Variants in TAF3 observed in about 807,000 individuals in gnomAD.
TAF3 encodes transcription initiation factor TFIID subunit 3.
A neutral mutation model predicts 80.6 loss-of-function variants in TAF3; 7 were observed. The observed-to-expected ratio is 0.09, with a 90% CI of 0.05 to 0.16. The LOEUF is 0.16. Ranked by LOEUF, TAF3 falls within the 10% of genes least tolerant of loss-of-function variation. The pLI is 1.00. For synonymous variants in TAF3, 444 were observed against 446.1 expected (o/e 1.00, Z 0.06); for missense variants, 921 against 1,140.2 (o/e 0.81, Z 2.77).
Position 7,965,221 on chromosome 10 carries a change from G to A in TAF3, c.1711G>A (p.Glu571Lys), listed in dbSNP as rs1379695008. The A allele has an allele frequency of 5.6e-6, 9 of 1,607,536 alleles. No homozygotes were observed. The highest frequency in any genetic ancestry group is 7.6e-6 in the Non-Finnish European group (9 of 1,178,456). The stretch of plus-strand genomic sequence containing the variant: ...AGAGAAAGACAAGGAAACTGGCAGG[G>A]AAACAAAGTATCCCTGGAAGGAATT... Reference protein sequence around the residue: ...EKEKDKETGRETKYPWKEFLK... With the variant: ...EKEKDKETGRKTKYPWKEFLK... Residue 571 changes from glutamate (E) to lysine (K), a missense_variant, in exon 3 of 7, where the codon GAA (glutamate) becomes AAA (lysine). Physicochemically the swap from Glu to Lys is moderately conservative, Grantham distance 56. Around this residue, in one of 6 missense-constraint regions of TAF3, gnomAD observed 743 missense variants for 821.0 expected, o/e 0.90. Transcript: ENST00000344293.
At chr10:7,881,186 T>C (rs1028742967) in intron 2 of TAF3, among the ~76,000 whole-genome samples, 36 of 141,286 alleles carry the variant, frequency 2.5e-4, no homozygotes, top group Non-Finnish European at 4.7e-5. Context: ...CAGTGAGCCA[T>C]GAGTATAACT....
At chr10:7,939,242 C>T (rs1273279380) in intron 2 of TAF3, among the ~76,000 whole-genome samples, 1 of 152,124 alleles carries the variant, frequency 6.6e-6, no homozygotes, top group Non-Finnish European at 1.5e-5. Flanking sequence ...GAGTTGGGCT[C>T]AGTACTGAAA....
chr10:7,845,961 T>TG (rs1836966027), intron 2 of TAF3, among the ~76,000 whole-genome samples: 1 of 74,892 alleles, frequency 1.3e-5, no homozygotes, highest in Non-Finnish European at 2.7e-5. Flanking sequence ...GTGTTTTTGT[T>TG]TTTTTTTTTT....
At chr10:7,971,784 G>T (rs1367501322) in intron 3 of TAF3, among the ~76,000 whole-genome samples, 2 of 152,172 alleles carry the variant, frequency 1.3e-5, no homozygotes, top group Non-Finnish European at 2.9e-5. Context: ...AGCTTTATCA[G>T]TTGGTGCCCT....
At chr10:7,913,864 C>T (rs1429962242) in intron 2 of TAF3, among the ~76,000 whole-genome samples, 1 of 152,170 alleles carries the variant, frequency 6.6e-6, no homozygotes, top group Admixed American at 6.5e-5. Context: ...TTATAGGAAA[C>T]ACAGCAGATA....
intron 2 of TAF3, among the ~76,000 whole-genome samples, chr10:7,961,636 G>T (rs1831500773): frequency 6.6e-6 from 1 of 151,876 alleles, no homozygotes; most frequent in African/African-American, 2.4e-5. Flanking sequence ...GGTGACTTTA[G>T]TTATCTCAAC....
At chr10:7,876,848 C>T (rs1837316942) in intron 2 of TAF3, among the ~76,000 whole-genome samples, 1 of 152,132 alleles carries the variant, frequency 6.6e-6, no homozygotes, top group Non-Finnish European at 1.5e-5. Flanking sequence ...TTGGGAAGTG[C>T]ATGATTCTTC....
At chr10:7,962,093 C>T (rs746187845) in intron 2 of TAF3, among the ~76,000 whole-genome samples, 5 of 152,070 alleles carry the variant, frequency 3.3e-5, no homozygotes, top group African/African-American at 1.2e-4. Context: ...TCAGGTAATC[C>T]TACTCCCTCG....
chr10:7,845,817 T>G (rs77783232), intron 2 of TAF3, among the ~76,000 whole-genome samples: 4,316 of 152,318 alleles, frequency 0.028, 90 homozygotes, highest in South Asian at 0.084. Context: ...TAGCATTGCT[T>G]TCTTGACATT....
intron 1 of TAF3, among the ~76,000 whole-genome samples, chr10:7,821,157 A>G (rs1836686540): frequency 6.6e-6 from 1 of 152,164 alleles, no homozygotes; most frequent in Non-Finnish European, 1.5e-5. Flanking sequence ...AAGTTTCCGT[A>G]GCCAGTTTCT....
chr10:7,981,207 A>G (rs1443874970), intron 4 of TAF3, among the ~76,000 whole-genome samples: 1 of 152,190 alleles, frequency 6.6e-6, no homozygotes, highest in African/African-American at 2.4e-5. Context: ...AGATTTCTCA[A>G]ACGTCTCTTT....
intron 4 of TAF3, among the ~76,000 whole-genome samples, chr10:7,999,435 A>AAAG (rs1294446520): frequency 6.1e-5 from 9 of 147,608 alleles, no homozygotes; most frequent in Non-Finnish European, 9.0e-5. Context: ...TTAAAAAAAA[A>AAAG]AAAGAAAGAA....
chr10:7,900,017 A>G (rs955210257), intron 2 of TAF3, among the ~76,000 whole-genome samples: 1 of 152,162 alleles, frequency 6.6e-6, no homozygotes, highest in Admixed American at 6.5e-5. Flanking sequence ...ACTCATATCC[A>G]ACTCCCTTCT....
rs1377511631 is a variant in TAF3 at position 7,920,068 on chromosome 10, A to G, written c.410-43852A>G. Reference sequence around the variant, plus strand: ...CAAGACCAGCCTGGGCAACGTAGGGAGACCCATTCTACAGAAAATAAAAAT... The same window carrying G: ...CAAGACCAGCCTGGGCAACGTAGGGGGACCCATTCTACAGAAAATAAAAAT... On this transcript the variant is annotated intron_variant, in intron 2 of 6. Transcript: ENST00000344293. Among the ~76,000 whole-genome samples the G allele has an allele frequency of 4.6e-5, 7 of 152,102 alleles. 1 individual carries two copies. The highest frequency in any genetic ancestry group is 1.7e-4 in the African/African-American group (7 of 41,470).
chr10:7,850,734 C>A (rs1310705890), intron 2 of TAF3, among the ~76,000 whole-genome samples: 1 of 151,456 alleles, frequency 6.6e-6, no homozygotes, highest in Non-Finnish European at 1.5e-5. Context: ...TACACTAATA[C>A]GATTTAAAAT....
At chr10:7,830,042 C>T (rs1393167037) in intron 2 of TAF3, among the ~76,000 whole-genome samples, 2 of 152,154 alleles carry the variant, frequency 1.3e-5, no homozygotes, top group Non-Finnish European at 2.9e-5. Context: ...TTCCCTTCCT[C>T]CCCCTTCCCA....
chr10:7,925,241 A>G (rs1837803597), intron 2 of TAF3, among the ~76,000 whole-genome samples: 1 of 152,148 alleles, frequency 6.6e-6, no homozygotes, highest in Admixed American at 6.5e-5. Flanking sequence ...TTACTCATCA[A>G]ATGGAACCAG....
chr10:7,996,894 A>G (rs980969356), intron 4 of TAF3, among the ~76,000 whole-genome samples: 1 of 132,028 alleles, frequency 7.6e-6, no homozygotes, highest in Non-Finnish European at 1.6e-5. Context: ...AGGTTTCCCT[A>G]TGTTGCCCAG....
chr10:7,995,358 G>A (rs541880607), intron 4 of TAF3, among the ~76,000 whole-genome samples: 1 of 152,284 alleles, frequency 6.6e-6, no homozygotes, highest in Non-Finnish European at 1.5e-5. Flanking sequence ...AGTGGAAGCT[G>A]TATAACAAAA....
Sources: gnomAD v4.1 joint callset for allele counts (sites outside exome capture counted in the v4.1 genomes callset) on GRCh38, gnomAD v4.1.1 for gene constraint, gnomAD v4.1.1 regional missense constraint, MANE v1.5 for transcripts, NCBI Gene and HGNC (gene_info 2026-07-23, HGNC 2026-07-21) for gene names.